Variants in SCYL2 observed in about 807,000 individuals in gnomAD.
SCYL2 encodes the protein SCY1-like protein 2.
Under a neutral mutation model 100.4 loss-of-function variants are expected in SCYL2, and 36 were observed. That is an observed-to-expected ratio of 0.36 (90% CI 0.27 to 0.47). The LOEUF is 0.47. Among genes scored for constraint, SCYL2 ranks in the 20% least tolerant of loss-of-function variants. SCYL2 has a pLI of 1.00. For synonymous variants in SCYL2, 330 were observed against 359.2 expected, an observed-to-expected ratio of 0.92 and a Z score of 0.92; for missense variants, 902 against 1,083.9, an observed-to-expected ratio of 0.83 and a Z score of 2.36.
At chr12:100,288,491 T>G (rs1173161424) in intron 2 of SCYL2, among the ~76,000 whole-genome samples, 1 of 152,076 alleles carries the variant, frequency 6.6e-6, no homozygotes, top group Non-Finnish European at 1.5e-5. Context: ...CCTCTTTACT[T>G]GTGGTGAAAC....
At chr12:100,283,569 G>T (rs189511966) in intron 2 of SCYL2, among the ~76,000 whole-genome samples, 125 of 152,268 alleles carry the variant, frequency 8.2e-4, no homozygotes, top group South Asian at 3.3e-3. Flanking sequence ...AGTGCAGTCA[G>T]TGCTGGGATT....
chr12:100,332,641 G>A (rs889634280), intron 13 of SCYL2, among the ~76,000 whole-genome samples: 25 of 152,012 alleles, frequency 1.6e-4, no homozygotes, highest in Non-Finnish European at 7.4e-5. Flanking sequence ...TATGAGGGTG[G>A]AAAATGACTG....
At position 100,312,506 on chromosome 12, in the gene SCYL2, T is replaced by C. The variant is rs141501747; in HGVS notation, c.705T>C (p.Pro235=). ...TTCCAAATCCTGAATATTTGGCTCC[T>C]GAATACATACTTTCTGTGAGCTGTG... ...LCLPNPEYLA[P]EYILSVSCET... is the part of the protein sequence containing the mutation. Residue 235 remains proline (P), a synonymous_variant, in exon 6 of 18, where the codon CCT becomes CCC. Coordinates refer to ENST00000360820, the MANE Select transcript of SCYL2 (RefSeq NM_017988.6). 1.2e-4 allele frequency: 198 copies of C among 1,613,822 alleles called. No homozygotes were observed. Among genetic ancestry groups the C allele is most frequent in the Non-Finnish European group, 1.6e-4 (190 of 1,179,916 alleles).
rs1353834207 is a variant in SCYL2 at position 100,312,475 on chromosome 12, T to C, written c.674T>C (p.Leu225Ser). 1 of 1,613,382 alleles carries C rather than the reference T, an allele frequency of 6.2e-7. No homozygotes were observed. The highest frequency in any genetic ancestry group is 1.3e-5 in the African/African-American group (1 of 74,912). Residue 225 changes from leucine to serine, a missense_variant, in exon 6 of 18, where the codon TTG becomes TCG. Coordinates refer to ENST00000360820, the MANE Select transcript of SCYL2 (RefSeq NM_017988.6). ...GAATGGGACCCAAATTTACCTTCAT[T>C]GTGTCTTCCAAATCCTGAATATTTG... is the stretch of plus-strand genomic sequence containing the variant. ...CKEWDPNLPS[L>S]CLPNPEYLAP... is the part of the protein sequence containing the mutation.
intron 8 of SCYL2, among the ~76,000 whole-genome samples, chr12:100,315,017 A>G (rs936453476): frequency 6.6e-6 from 1 of 152,198 alleles, no homozygotes; most frequent in Non-Finnish European, 1.5e-5. Context: ...TGAATGCTGA[A>G]GAGGCACTGG....
chr12:100,268,813 G>A (rs1440942601), intron 1 of SCYL2, among the ~76,000 whole-genome samples: 1 of 152,118 alleles, frequency 6.6e-6, no homozygotes, highest in Non-Finnish European at 1.5e-5. Flanking sequence ...TAACTCCGTG[G>A]GTAGCATCAC....
intron 13 of SCYL2, among the ~76,000 whole-genome samples, 191 bp downstream of exon 13, chr12:100,329,510 C>T (rs769269681): frequency 3.2e-4 from 49 of 152,090 alleles, no homozygotes; most frequent in Middle Eastern, 3.4e-3. Context: ...AGTAAATGAG[C>T]AGGATGTTGA....
At chr12:100,296,434 G>A (rs912888658) in intron 3 of SCYL2, among the ~76,000 whole-genome samples, 13 of 152,112 alleles carry the variant, frequency 8.5e-5, no homozygotes, top group Non-Finnish European at 7.4e-5. Flanking sequence ...ATGAGTAAAA[G>A]GAGCAGAGTA....
chr12:100,289,384 A>G (rs1055015660), intron 2 of SCYL2, among the ~76,000 whole-genome samples: 2 of 152,154 alleles, frequency 1.3e-5, no homozygotes, highest in Admixed American at 6.5e-5. Flanking sequence ...GACTTTTTTT[A>G]TCTTAGAAAA....
chr12:100,283,097 A>C lies in SCYL2; in HGVS notation c.127A>C (p.Asn43His). 1 of 1,612,774 alleles carries C rather than the reference A, an allele frequency of 6.2e-7. No homozygotes were observed. The change falls in exon 2 of 18, where the codon AAT becomes CAT. Residue 43 changes from asparagine (N) to histidine (H), a missense_variant. Coordinates refer to ENST00000360820, the MANE Select transcript of SCYL2 (RefSeq NM_017988.6). ...TGGTCGACACATTGCCAGTGGTGGCAATGGGCTAGCTTGGAAGATTTTTAA... is the reference window on the plus strand; with the variant it reads ...TGGTCGACACATTGCCAGTGGTGGCCATGGGCTAGCTTGGAAGATTTTTAA... ...DVGRHIASGG[N>H]GLAWKIFNGT...
intron 1 of SCYL2, among the ~76,000 whole-genome samples, chr12:100,274,072 T>C (rs1372814026): frequency 2.0e-5 from 3 of 152,206 alleles, no homozygotes; most frequent in Non-Finnish European, 4.4e-5. Context: ...TCTAGCTGCT[T>C]ACAAAAATGC....
At chr12:100,322,044 C>CAAAAAAA (rs35666642) in intron 10 of SCYL2, among the ~76,000 whole-genome samples, 3 of 66,794 alleles carry the variant, frequency 4.5e-5, no homozygotes, top group African/African-American at 1.6e-4. Flanking sequence ...CAAGACTCTC[C>CAAAAAAA]AAAAAAAAAA....
intron 10 of SCYL2, chr12:100,319,396 T>C: frequency 2.8e-6 from 1 of 354,476 alleles, no homozygotes; most frequent in South Asian, 2.2e-5. Context: ...TTTAGTGATA[T>C]TAAAGAAGAG....
intron 4 of SCYL2, 133 bp downstream of exon 4, chr12:100,298,308 C>T: frequency 1.6e-6 from 1 of 615,696 alleles, no homozygotes. Context: ...GTCATTATTC[C>T]TATGTTCTGG....
rs1335601659 is a variant in SCYL2 at position 100,304,503 on chromosome 12, G to T, written c.480+6328G>T. Reference sequence around the variant, plus strand: ...ATACAGTCTCTCATGGCTTCCCTTGGCGACAGGAGGGAGTTCCCCGACCCC... The same window carrying T: ...ATACAGTCTCTCATGGCTTCCCTTGTCGACAGGAGGGAGTTCCCCGACCCC... On this transcript the variant is annotated intron_variant, in intron 4 of 17. Coordinates refer to ENST00000360820, the MANE Select transcript of SCYL2 (RefSeq NM_017988.6). Among the ~76,000 whole-genome samples the T allele has an allele frequency of 2.0e-5, 3 of 152,156 alleles. No individual in the cohort carries two copies. In the East Asian group the frequency reaches 5.8e-4, roughly 30 times the overall value.
In SCYL2 at chr12:100,339,197, A is replaced by T; in HGVS notation, c.*25A>T. On this transcript the variant is annotated 3_prime_UTR_variant, in exon 18 of 18. Coordinates refer to ENST00000360820, the MANE Select transcript of SCYL2 (RefSeq NM_017988.6). ...AGGTGTCTTACTTCTATTTTGAAGG[A>T]TTATTTCAGTTTCAATCATGGGTGA... 6.3e-7 allele frequency: 1 copy of T among 1,593,076 alleles called. No individual in the cohort carries two copies. The highest frequency in any genetic ancestry group is 8.5e-7 in the Non-Finnish European group (1 of 1,170,718).
At chr12:100,305,131 AC>A (rs1167878073) in intron 4 of SCYL2, among the ~76,000 whole-genome samples, 1 of 152,324 alleles carries the variant, frequency 6.6e-6, no homozygotes, top group East Asian at 1.9e-4. Context: ...CAGGACTTGA[AC>A]TCAGCTCTGG....
chr12:100,297,001 C>T (rs1313283470), intron 3 of SCYL2, among the ~76,000 whole-genome samples: 2 of 152,206 alleles, frequency 1.3e-5, no homozygotes, highest in African/African-American at 4.8e-5. Flanking sequence ...ACAGATGAGA[C>T]ATCAATTAAA....
At chr12:100,299,766 A>G (rs563241723) in intron 4 of SCYL2, among the ~76,000 whole-genome samples, 1 of 151,508 alleles carries the variant, frequency 6.6e-6, no homozygotes, top group Non-Finnish European at 1.5e-5. Context: ...TTGCCTGTTC[A>G]TAATATTTGG....
Sources: allele counts gnomAD v4.1 joint callset (sites outside exome capture counted in the v4.1 genomes callset), GRCh38; gene constraint gnomAD v4.1.1; transcripts MANE v1.5; gene names NCBI Gene and HGNC (gene_info 2026-07-23, HGNC 2026-07-21).